The following DPP10 variants were observed in gnomAD, a reference collection of about 807,000 sequenced individuals.
DPP10 encodes inactive dipeptidyl peptidase 10.
DPP10 carries 33 observed loss-of-function variants against 120.9 expected under a neutral mutation model. The observed-to-expected ratio is 0.27, with a 90% CI of 0.21 to 0.37. The LOEUF is 0.37. Among genes scored for constraint, DPP10 ranks in the 10% least tolerant of loss-of-function variants. The pLI, the probability that DPP10 is intolerant of heterozygous loss-of-function variation, is 1.00. For missense variants in DPP10, 816 were observed against 942.8 expected (o/e 0.87, Z 1.76); for synonymous variants, 337 against 326.1 (o/e 1.03, Z -0.36).
intron 1 of DPP10, among the ~76,000 whole-genome samples, chr2:114,651,152 C>T (rs150893480): frequency 5.9e-5 from 9 of 152,264 alleles, no homozygotes; most frequent in African/African-American, 1.2e-4. Flanking sequence ...TGTAGAGCAG[C>T]CCTCCCACTC....
At chr2:115,791,006 AT>A in intron 17 of DPP10, 74 bp from the exon 18 acceptor site, 4 of 1,054,708 alleles carry the variant, frequency 3.8e-6, no homozygotes, top group Admixed American at 4.8e-5. Context: ...CAAGTGGATA[AT>A]TTTTTGTTGT....
intron 1 of DPP10, among the ~76,000 whole-genome samples, chr2:114,577,903 C>G (rs1319971483): frequency 1.3e-5 from 2 of 152,126 alleles, no homozygotes; most frequent in African/African-American, 4.8e-5. Context: ...CTTATGAGGA[C>G]ACTAGTCATG....
chr2:114,974,498 A>G (rs906953885), intron 1 of DPP10, among the ~76,000 whole-genome samples: 1 of 150,396 alleles, frequency 6.6e-6, no homozygotes, highest in Non-Finnish European at 1.5e-5. Flanking sequence ...GCACACTGCA[A>G]CCTCCCCTTA....
intron 1 of DPP10, among the ~76,000 whole-genome samples, chr2:114,543,929 TATTC>T (rs751803524): frequency 7.2e-5 from 11 of 152,084 alleles, no homozygotes; most frequent in East Asian, 1.9e-4. Context: ...CTCATTCATG[TATTC>T]ATTCATTCAG....
At chr2:115,478,530 G>C (rs948571196) in intron 3 of DPP10, among the ~76,000 whole-genome samples, 7 of 152,118 alleles carry the variant, frequency 4.6e-5, no homozygotes, top group Non-Finnish European at 1.0e-4. Context: ...CAAATGCACA[G>C]ACAGCGCAAG....
intron 5 of DPP10, among the ~76,000 whole-genome samples, chr2:115,634,695 A>G (rs192907338): frequency 2.6e-5 from 4 of 152,252 alleles, no homozygotes; most frequent in Admixed American, 6.5e-5. Context: ...GTCAGGAGGC[A>G]CCGGATGTGG....
intron 1 of DPP10, among the ~76,000 whole-genome samples, chr2:115,089,575 A>AT (rs1472940541): frequency 6.6e-6 from 1 of 151,950 alleles, no homozygotes; most frequent in Non-Finnish European, 1.5e-5. Context: ...GCCACCAATC[A>AT]TTTTTTCCCT....
chr2:114,849,001 CTT>C (rs1186070453), intron 1 of DPP10, among the ~76,000 whole-genome samples: 1 of 152,124 alleles, frequency 6.6e-6, no homozygotes. Flanking sequence ...TCTGGGGCCT[CTT>C]TTATAAGGGC....
At chr2:114,785,139 A>C (rs904866639) in intron 1 of DPP10, among the ~76,000 whole-genome samples, 1 of 152,118 alleles carries the variant, frequency 6.6e-6, no homozygotes, top group African/African-American at 2.4e-5. Context: ...CCCACACCTC[A>C]TCCCTCCTCC....
chr2:115,723,259 A>G (rs1444248269), intron 7 of DPP10, among the ~76,000 whole-genome samples: 1 of 152,152 alleles, frequency 6.6e-6, no homozygotes, highest in East Asian at 1.9e-4. Flanking sequence ...TGATAGTATA[A>G]ATTTATGTTA....
At chr2:114,676,906 G>A (rs181783801) in intron 1 of DPP10, among the ~76,000 whole-genome samples, 2 of 152,050 alleles carry the variant, frequency 1.3e-5, no homozygotes, top group East Asian at 3.9e-4. Flanking sequence ...TTTATTAAGG[G>A]CCTTTTATGG....
chr2:115,242,117 C>A (rs2058311872), intron 1 of DPP10, among the ~76,000 whole-genome samples: 2 of 152,272 alleles, frequency 1.3e-5, no homozygotes, highest in Non-Finnish European at 2.9e-5. Context: ...GCAGTATACA[C>A]TGTACCCAAT....
intron 1 of DPP10, among the ~76,000 whole-genome samples, chr2:114,902,369 T>A (rs1693649007): frequency 6.6e-6 from 1 of 152,216 alleles, no homozygotes; most frequent in Admixed American, 6.5e-5. Flanking sequence ...ACCTGTGTCA[T>A]AAATCAAGCA....
chr2:115,786,295 T>C (rs1683337495), intron 17 of DPP10, among the ~76,000 whole-genome samples: 1 of 152,186 alleles, frequency 6.6e-6, no homozygotes, highest in African/African-American at 2.4e-5. Context: ...AAGATAAACA[T>C]TGTTCATCAT....
At chr2:115,163,578 T>C (rs1201265013) in intron 1 of DPP10, among the ~76,000 whole-genome samples, 1 of 152,218 alleles carries the variant, frequency 6.6e-6, no homozygotes, top group Non-Finnish European at 1.5e-5. Context: ...CACATCAGAA[T>C]GTAAACATTG....
intron 1 of DPP10, among the ~76,000 whole-genome samples, chr2:114,503,628 T>A (rs1259730380): frequency 1.3e-5 from 2 of 152,204 alleles, no homozygotes; most frequent in Admixed American, 1.3e-4. Flanking sequence ...CAATATGTTG[T>A]TTCATTACAC....
At chr2:115,297,185 T>G (rs1431762361) in intron 1 of DPP10, 5 of 216,820 alleles carry the variant, frequency 2.3e-5, no homozygotes, top group African/African-American at 1.2e-4. Flanking sequence ...TGAGTGGGGG[T>G]AGGTTTTGTG....
At chr2:114,715,840 AAAT>A (rs1157203234) in intron 1 of DPP10, among the ~76,000 whole-genome samples, 1 of 152,062 alleles carries the variant, frequency 6.6e-6, no homozygotes, top group East Asian at 1.9e-4. Context: ...ATGTATCACT[AAAT>A]AATATACAAA....
At chr2:115,712,800 A>G (rs1278468582) in intron 7 of DPP10, among the ~76,000 whole-genome samples, 1 of 151,746 alleles carries the variant, frequency 6.6e-6, no homozygotes, top group Non-Finnish European at 1.5e-5. Context: ...TATGTAATAC[A>G]AGCCTACAAA....
Sources: allele counts gnomAD v4.1 joint callset (sites outside exome capture counted in the v4.1 genomes callset), GRCh38; gene constraint gnomAD v4.1.1; transcripts MANE v1.5; gene names NCBI Gene and HGNC (gene_info 2026-07-23, HGNC 2026-07-21).